The following ZNF618 variants were observed in gnomAD, a reference collection of about 807,000 sequenced individuals.
ZNF618 encodes the protein zinc finger protein 618.
Under a neutral mutation model 103.0 loss-of-function variants are expected in ZNF618, and 34 were observed. The observed-to-expected ratio is 0.33, with a 90% CI of 0.25 to 0.44. ZNF618 has a LOEUF of 0.44. Ranked by LOEUF, ZNF618 falls within the 20% of genes least tolerant of loss-of-function variation. The pLI is 1.00. For missense variants in ZNF618, 1,059 were observed against 1,295.4 expected, an observed-to-expected ratio of 0.82 and a Z score of 2.80; for synonymous variants, 551 against 542.2, an observed-to-expected ratio of 1.02 and a Z score of -0.23.
intron 1 of ZNF618, among the ~76,000 whole-genome samples, chr9:113,927,203 G>A (rs1238822049): frequency 2.0e-5 from 3 of 152,142 alleles, no homozygotes; most frequent in African/African-American, 7.2e-5. Context: ...GAGGTTTAAA[G>A]CCTTGCATGA....
intron 12 of ZNF618, among the ~76,000 whole-genome samples, chr9:114,035,673 G>C (rs543518925): frequency 2.2e-4 from 33 of 151,034 alleles, no homozygotes; most frequent in Non-Finnish European, 3.4e-4. Context: ...TGAGTGCTAA[G>C]AGTAGAGAGC....
At chr9:114,001,845 G>A (rs1478905474) in intron 4 of ZNF618, 151 bp from the exon 5 acceptor site, 4 of 691,288 alleles carry the variant, frequency 5.8e-6, no homozygotes, top group Non-Finnish European at 1.0e-5. Context: ...CCCAGGCCTC[G>A]TGACTTCTAG....
At chr9:113,876,462 C>G in intron 1 of ZNF618, 49 bp downstream of exon 1, 2 of 1,163,764 alleles carry the variant, frequency 1.7e-6, no homozygotes, top group Non-Finnish European at 2.1e-6. Flanking sequence ...CCCCGGGGGG[C>G]CGGGGCCCGG....
chr9:114,025,649 A>G (rs77539927), intron 10 of ZNF618, among the ~76,000 whole-genome samples: 2,528 of 152,232 alleles, frequency 0.017, 69 homozygotes, highest in African/African-American at 0.058. Context: ...TGGGACATTG[A>G]TCCTGGCCCA....
At chr9:113,922,443 CAG>C (rs1832728063) in intron 1 of ZNF618, among the ~76,000 whole-genome samples, 2 of 148,380 alleles carry the variant, frequency 1.3e-5, no homozygotes, top group Admixed American at 1.3e-4. Flanking sequence ...CACTGGCAGA[CAG>C]GGGCAGGCCG....
At chr9:113,876,645 C>G (rs957643982) in intron 1 of ZNF618, among the ~76,000 whole-genome samples, 2 of 151,958 alleles carry the variant, frequency 1.3e-5, no homozygotes, top group African/African-American at 4.8e-5. Context: ...CCCCACCCAG[C>G]GCCCCCTCCG....
chr9:114,046,542 A>G (rs1020087196), intron 13 of ZNF618, among the ~76,000 whole-genome samples: 1 of 152,198 alleles, frequency 6.6e-6, no homozygotes, highest in African/African-American at 2.4e-5. Flanking sequence ...ATTTCTCAGA[A>G]TATATGTCCA....
intron 13 of ZNF618, among the ~76,000 whole-genome samples, chr9:114,045,212 C>T (rs1367293710): frequency 6.6e-6 from 1 of 151,946 alleles, no homozygotes; most frequent in Non-Finnish European, 1.5e-5. Flanking sequence ...ATTTTGAAGT[C>T]CATTCATCTA....
chr9:114,028,596 A>G, intron 10 of ZNF618, 137 bp from the exon 11 acceptor site: 1 of 1,257,558 alleles, frequency 8.0e-7, no homozygotes, highest in Non-Finnish European at 1.1e-6. Flanking sequence ...GTTAAGTGAG[A>G]ATCCTTGTTC....
chr9:114,049,958 A>G lies in ZNF618; in HGVS notation c.2656A>G (p.Thr886Ala), dbSNP rs776514483. ...DYLQEPLFQA[T>A]PDLFQYWSCV... ...CCTGCAGGAGCCCCTCTTCCAGGCT[A>G]CCCCTGATCTCTTCCAGTACTGGTC... The change falls in exon 15 of 15, where the codon ACC becomes GCC. Residue 886 changes from threonine (T) to alanine (A), a missense_variant. By Grantham distance (58) the Thr-to-Ala change is moderately conservative. Around this residue, in one of 6 missense-constraint regions of ZNF618, gnomAD observed 156 missense variants for 197.1 expected, o/e 0.79. Coordinates refer to ENST00000374126, the MANE Select transcript of ZNF618 (RefSeq NM_001318042.2). The G allele has an allele frequency of 6.2e-7, 1 of 1,613,902 alleles. No individual in the cohort carries two copies. The highest frequency in any genetic ancestry group is 8.5e-7 in the Non-Finnish European group (1 of 1,179,880).
intron 2 of ZNF618, among the ~76,000 whole-genome samples, chr9:113,972,804 C>G (rs998550892): frequency 6.6e-6 from 1 of 152,180 alleles, no homozygotes; most frequent in Admixed American, 6.5e-5. Context: ...CGGTGGCTCA[C>G]CCCTGTAACC....
rs190417490 is a variant in ZNF618 at position 113,962,832 on chromosome 9, T to C, written c.34-6285T>C. ...CCGCCTCCCCCACACACCATAGAAC[T>C]GATTACTTTCAAGCATGCTATATGT... is the stretch of plus-strand genomic sequence containing the variant. On this transcript the variant is annotated intron_variant, in intron 1 of 14. Transcript: ENST00000374126. Among the ~76,000 whole-genome samples, 245 of 152,294 alleles carry C rather than the reference T, an allele frequency of 1.6e-3. 1 individual carries two copies. Among genetic ancestry groups the C allele is most frequent in the African/African-American group, 5.6e-3 (231 of 41,564 alleles).
intron 1 of ZNF618, among the ~76,000 whole-genome samples, chr9:113,955,311 C>A (rs1318603135): frequency 1.3e-5 from 2 of 150,468 alleles, no homozygotes; most frequent in Non-Finnish European, 2.9e-5. Flanking sequence ...CACCCCACCC[C>A]CACACTGCAA....
At chr9:113,928,783 G>A (rs1833318331) in intron 1 of ZNF618, among the ~76,000 whole-genome samples, 1 of 152,192 alleles carries the variant, frequency 6.6e-6, no homozygotes, top group African/African-American at 2.4e-5. Flanking sequence ...GTATTAGGGA[G>A]AGGAAGTAGT....
Position 114,050,183 on chromosome 9 carries a change from G to GA in ZNF618, c.*25dup, listed in dbSNP as rs748775551. The GA allele has an allele frequency of 1.8e-4, 266 of 1,476,912 alleles. No homozygotes were observed. Among genetic ancestry groups the GA allele is most frequent in the South Asian group, 4.8e-4 (34 of 71,352 alleles). The allele number at this position is 1,476,912 out of a possible 1,614,324, so 91.5% of individuals were successfully genotyped here. On this transcript the variant is annotated 3_prime_UTR_variant, in exon 15 of 15. Coordinates refer to ENST00000374126, the MANE Select transcript of ZNF618 (RefSeq NM_001318042.2). ...CATGCTTTAAGACTTGACTTCGGGG[G>GA]AAAAAAAAAGAAAAAGAGAAGATAA...
At chr9:113,918,441 T>C (rs1461399855) in intron 1 of ZNF618, among the ~76,000 whole-genome samples, 1 of 152,222 alleles carries the variant, frequency 6.6e-6, no homozygotes, top group Non-Finnish European at 1.5e-5. Context: ...TTAGCATCTA[T>C]TGTTGCTTCT....
In ZNF618 at chr9:114,050,080, T is replaced by TACAC; in HGVS notation, c.2778_2779insACAC (p.Glu927ThrfsTer20). The TACAC allele has an allele frequency of 6.2e-7, 1 of 1,612,778 alleles. No homozygotes were observed. Among genetic ancestry groups the TACAC allele is most frequent in the Non-Finnish European group, 8.5e-7 (1 of 1,179,688 alleles). On this transcript the variant is annotated frameshift_variant, in exon 15 of 15. Transcript: ENST00000374126. LOFTEE classifies it high-confidence loss of function. ...CCAGAAGCGGGTGTGTAAATATGTG[T>TACAC]GAACAAGCGCTTCTAATCAAACGGA...
At chr9:113,940,849 T>C (rs1484472990) in intron 1 of ZNF618, among the ~76,000 whole-genome samples, 1 of 152,186 alleles carries the variant, frequency 6.6e-6, no homozygotes, top group Non-Finnish European at 1.5e-5. Context: ...CTGGCCTACC[T>C]GTGCCCCCCA....
At chr9:113,880,753 G>A (rs1564121128) in intron 1 of ZNF618, among the ~76,000 whole-genome samples, 1 of 152,250 alleles carries the variant, frequency 6.6e-6, no homozygotes, top group Non-Finnish European at 1.5e-5. Flanking sequence ...ATTTATATTT[G>A]TGGATGTATG....
Sources: gnomAD v4.1 joint callset for allele counts (sites outside exome capture counted in the v4.1 genomes callset) on GRCh38, gnomAD v4.1.1 for gene constraint, gnomAD v4.1.1 regional missense constraint, MANE v1.5 for transcripts, NCBI Gene and HGNC (gene_info 2026-07-23, HGNC 2026-07-21) for gene names.